The following NXPH1 variants were observed in gnomAD, a reference collection of about 807,000 sequenced individuals.
NXPH1 encodes the protein neurexophilin 1.
In NXPH1, 5 loss-of-function variants were observed where a neutral mutation model predicts 23.7. The observed-to-expected ratio is 0.21, with a 90% CI of 0.11 to 0.44. The LOEUF (loss-of-function observed/expected upper bound fraction) is 0.44. Ranked by LOEUF, NXPH1 falls within the 20% of genes least tolerant of loss-of-function variation. The probability of loss-of-function intolerance (pLI) is 0.99; values close to 1 mark genes in which losing one functional copy is unlikely to be tolerated. For synonymous variants in NXPH1, 144 were observed against 122.2 expected (o/e 1.18, Z -1.18); for missense variants, 324 against 321.6 (o/e 1.01, Z -0.06).
At chr7:8,490,799 A>C (rs566703201) in intron 2 of NXPH1, among the ~76,000 whole-genome samples, 1 of 152,108 alleles carries the variant, frequency 6.6e-6, no homozygotes, top group African/African-American at 2.4e-5. Context: ...CCCAAGCGAT[A>C]TAATTTAATC....
intron 2 of NXPH1, among the ~76,000 whole-genome samples, chr7:8,486,519 C>G (rs890748475): frequency 6.6e-6 from 1 of 152,180 alleles, no homozygotes; most frequent in African/African-American, 2.4e-5. Flanking sequence ...TGCCACAGAC[C>G]TGCTGTGTGA....
At chr7:8,561,372 A>ACACACACG (rs1818441709) in intron 2 of NXPH1, among the ~76,000 whole-genome samples, 1 of 150,342 alleles carries the variant, frequency 6.7e-6, no homozygotes, top group African/African-American at 2.5e-5. Flanking sequence ...ACACACACAC[A>ACACACACG]CACACACACA....
chr7:8,652,127 C>T (rs1304590488), intron 2 of NXPH1, among the ~76,000 whole-genome samples: 4 of 152,042 alleles, frequency 2.6e-5, no homozygotes, highest in Non-Finnish European at 5.9e-5. Flanking sequence ...TCAATCTCAA[C>T]CTTTACTTGA....
intron 2 of NXPH1, among the ~76,000 whole-genome samples, chr7:8,632,127 A>C (rs1270694703): frequency 6.6e-6 from 1 of 152,126 alleles, no homozygotes; most frequent in East Asian, 1.9e-4. Context: ...GGTAACTTGA[A>C]AATTGCCATA....
At chr7:8,513,950 T>C (rs1817651402) in intron 2 of NXPH1, among the ~76,000 whole-genome samples, 1 of 152,098 alleles carries the variant, frequency 6.6e-6, no homozygotes, top group Admixed American at 6.6e-5. Context: ...GAGGGAAGGA[T>C]CTGCTCCAGG....
intron 2 of NXPH1, among the ~76,000 whole-genome samples, chr7:8,441,423 G>T (rs1407866517): frequency 6.6e-6 from 1 of 152,146 alleles, no homozygotes; most frequent in Non-Finnish European, 1.5e-5. Context: ...TTCTGCCTCA[G>T]ATTGGCATGT....
rs180932105 is a variant in NXPH1, at chr7:8,617,273, T to C, written c.55-133735T>C. ...TGAGGTACAAACTCAGAACTTGCTG[T>C]TGGAGTAGACATGGGAGTTGAGAAA... is the stretch of plus-strand genomic sequence containing the variant. On this transcript the variant is annotated intron_variant, in intron 2 of 2. Transcript: ENST00000405863. 5.3e-5 allele frequency among the ~76,000 whole-genome samples: 8 copies of C among 152,140 alleles called. No homozygotes were observed. In the East Asian group the frequency reaches 5.8e-4, roughly 11 times the overall value.
chr7:8,589,874 A>G (rs1017986594), intron 2 of NXPH1, among the ~76,000 whole-genome samples: 1 of 152,086 alleles, frequency 6.6e-6, no homozygotes, highest in Non-Finnish European at 1.5e-5. Flanking sequence ...ATAGATAGCC[A>G]CTAGCCACAG....
intron 2 of NXPH1, among the ~76,000 whole-genome samples, chr7:8,461,129 A>G (rs1036041518): frequency 6.6e-6 from 1 of 152,216 alleles, no homozygotes; most frequent in Non-Finnish European, 1.5e-5. Flanking sequence ...AGAAGATCTC[A>G]GCACTGGGTT....
At chr7:8,694,937 C>A (rs1315799414) in intron 2 of NXPH1, among the ~76,000 whole-genome samples, 1 of 152,064 alleles carries the variant, frequency 6.6e-6, no homozygotes, top group African/African-American at 2.4e-5. Flanking sequence ...ATTCAGTCTA[C>A]CTAGGAAAGA....
intron 2 of NXPH1, among the ~76,000 whole-genome samples, chr7:8,672,809 T>C (rs1192970426): frequency 6.6e-6 from 1 of 152,200 alleles, no homozygotes; most frequent in South Asian, 2.1e-4. Flanking sequence ...CGGTTCTTTC[T>C]TATCCCACAG....
chr7:8,536,854 G>C (rs1246038509), intron 2 of NXPH1, among the ~76,000 whole-genome samples: 3 of 151,912 alleles, frequency 2.0e-5, no homozygotes, highest in African/African-American at 7.2e-5. Flanking sequence ...GGGTGAGAAG[G>C]AAATAAAGAT....
At chr7:8,632,608 T>A (rs939159745) in intron 2 of NXPH1, among the ~76,000 whole-genome samples, 1 of 152,184 alleles carries the variant, frequency 6.6e-6, no homozygotes, top group Non-Finnish European at 1.5e-5. Context: ...TCTGTTCTTA[T>A]CGCCTTATGA....
chr7:8,468,054 A>G (rs1816813195), intron 2 of NXPH1, among the ~76,000 whole-genome samples: 1 of 152,134 alleles, frequency 6.6e-6, no homozygotes, highest in African/African-American at 2.4e-5. Context: ...TCCATACTCC[A>G]TTTAAATAAA....
chr7:8,633,321 A>T (rs1231210664), intron 2 of NXPH1, among the ~76,000 whole-genome samples: 6 of 152,146 alleles, frequency 3.9e-5, no homozygotes, highest in Non-Finnish European at 8.8e-5. Flanking sequence ...CCAGCTACTC[A>T]GGAGGCTGAG....
intron 2 of NXPH1, among the ~76,000 whole-genome samples, chr7:8,594,640 G>T (rs371278160): frequency 3.9e-5 from 6 of 151,928 alleles, no homozygotes; most frequent in African/African-American, 9.7e-5. Flanking sequence ...TGAGGACTTG[G>T]GGGGAAGAGA....
intron 2 of NXPH1, among the ~76,000 whole-genome samples, chr7:8,744,256 A>T (rs1780430810): frequency 6.6e-6 from 1 of 152,242 alleles, no homozygotes; most frequent in Admixed American, 6.5e-5. Context: ...ATTTGTGGAA[A>T]TGGTATCATT....
Position 8,446,388 on chromosome 7 carries a change from A to G in NXPH1, c.54+10621A>G, listed in dbSNP as rs186330955. On this transcript the variant is annotated intron_variant, in intron 2 of 2. Coordinates refer to ENST00000405863, the MANE Select transcript of NXPH1 (RefSeq NM_152745.3). ...TGCATTTTCTTAACTTACCAGATAC[A>G]AAGAAATTTATGGGTCACAAAGAAG... 2.0e-4 allele frequency among the ~76,000 whole-genome samples: 31 copies of G among 152,362 alleles called. 1 individual carries two copies. In the East Asian group the frequency reaches 5.4e-3, roughly 27 times the overall value.
intron 2 of NXPH1, among the ~76,000 whole-genome samples, chr7:8,514,289 T>C (rs561139195): frequency 1.3e-5 from 2 of 152,178 alleles, no homozygotes; most frequent in Non-Finnish European, 1.5e-5. Context: ...TTCTCCTTCA[T>C]AGACTCTCTC....
Sources: allele counts gnomAD v4.1 joint callset (sites outside exome capture counted in the v4.1 genomes callset), GRCh38; gene constraint gnomAD v4.1.1; transcripts MANE v1.5; gene names NCBI Gene and HGNC (gene_info 2026-07-23, HGNC 2026-07-21).